Variants in SERINC2 observed in about 807,000 individuals in gnomAD.
SERINC2 encodes the protein serine incorporator 2, also known as tumor differentially expressed protein 2.
A neutral mutation model predicts 54.2 loss-of-function variants in SERINC2; 56 were observed. That is an observed-to-expected ratio of 1.03 (90% CI 0.83 to 1.29). The LOEUF (loss-of-function observed/expected upper bound fraction) is 1.29. SERINC2 is among the 50% of genes most tolerant of loss of function. SERINC2 has a pLI of 0.00. For missense variants in SERINC2, 614 were observed against 607.4 expected (o/e 1.01, Z -0.12); for synonymous variants, 272 against 253.1 (o/e 1.07, Z -0.71).
chr1:31,427,934 T>C (rs1641089522), intron 6 of SERINC2, among the ~76,000 whole-genome samples: 1 of 151,478 alleles, frequency 6.6e-6, no homozygotes, highest in East Asian at 1.9e-4. Flanking sequence ...GTTCAAGTGA[T>C]TCTTGTGCTT....
Position 31,429,671 on chromosome 1 carries a change from T to C in SERINC2, c.1013+133T>C, listed in dbSNP as rs782561562. The C allele has an allele frequency of 3.9e-6, 4 of 1,018,870 alleles. No homozygotes were observed. In the African/African-American group the frequency reaches 6.6e-5, roughly 17 times the overall value. 63.1% of individuals were successfully genotyped at this position (1,018,870 alleles called of 1,614,324 possible). ...TTCAATATATCCAGGTCTTGCATTG[T>C]GCGGGAGGGGAAACTGAGTCCCTCA... On this transcript the variant is annotated intron_variant, in intron 8 of 9. Coordinates refer to ENST00000373709, the MANE Select transcript of SERINC2 (RefSeq NM_178865.5).
rs1641388232 is a variant in SERINC2 at position 31,433,680 on chromosome 1, A to G, written c.1233-384A>G. ...TGAAGTGGCAAGGTCAAGGAGCTAAATGACAGTAATAAGGTCAGGGGCCAC... is the reference window on the plus strand; with the variant it reads ...TGAAGTGGCAAGGTCAAGGAGCTAAGTGACAGTAATAAGGTCAGGGGCCAC... On this transcript the variant is annotated intron_variant, in intron 9 of 9. Coordinates refer to ENST00000373709, the MANE Select transcript of SERINC2 (RefSeq NM_178865.5). 2.0e-5 allele frequency among the ~76,000 whole-genome samples: 3 copies of G among 152,184 alleles called. No homozygotes were observed. In the South Asian group the frequency reaches 6.2e-4, roughly 32 times the overall value.
At position 31,425,843 on chromosome 1, in the gene SERINC2, C is replaced by G; in HGVS notation, c.540C>G (p.Asp180Glu). 2.5e-6 allele frequency: 4 copies of G among 1,613,754 alleles called. No homozygotes were observed. The highest frequency in any genetic ancestry group is 2.5e-6 in the Non-Finnish European group (3 of 1,179,954). ...FILIQLVLLI[D>E]FAHSWNQRWL... ...TCATCCAGCTGGTGCTGCTCATCGA[C>G]TTTGCGCACTCCTGGAACCAGCGGT... The change falls in exon 5 of 10, where the codon GAC (aspartate) becomes GAG (glutamate). Residue 180 changes from aspartate to glutamate, a missense_variant. Asp to Glu is a conservative substitution (Grantham distance 45, BLOSUM62 2). Coordinates refer to ENST00000373709, the MANE Select transcript of SERINC2 (RefSeq NM_178865.5).
At chr1:31,413,169 C>CGGGGCCGGGGCCGGGGA (rs1279740161), upstream of SERINC2, 5 of 859,994 alleles carry the variant, frequency 5.8e-6, no homozygotes, top group Non-Finnish European at 6.8e-6. The surrounding 1 kb of genome is among the most constrained non-coding windows in gnomAD (Gnocchi z 5.0). Context: ...GGGGCCGGGG[C>CGGGGCCGGGGCCGGGGA]GGGGCCGGGG....
chr1:31,432,100 GAC>G (rs1557501251), intron 8 of SERINC2, among the ~76,000 whole-genome samples: 27 of 130,832 alleles, frequency 2.1e-4, no homozygotes, highest in Middle Eastern at 4.4e-3. Context: ...GGACAGGGTG[GAC>G]AGGGTGGATA....
chr1:31,429,229 A>G (rs1228612191), intron 7 of SERINC2, among the ~76,000 whole-genome samples, 161 bp downstream of exon 7: 2 of 152,012 alleles, frequency 1.3e-5, no homozygotes, highest in African/African-American at 4.8e-5. Context: ...TCTGTTCCTG[A>G]GTTGTCTCTC....
chr1:31,422,245 G>A (rs992426278), intron 1 of SERINC2, among the ~76,000 whole-genome samples: 15 of 150,754 alleles, frequency 9.9e-5, no homozygotes, highest in African/African-American at 3.2e-4. Flanking sequence ...GTTGTAGTGA[G>A]CTGAGATTGC....
intron 8 of SERINC2, among the ~76,000 whole-genome samples, chr1:31,432,236 C>A (rs1304073413): frequency 8.5e-6 from 1 of 118,020 alleles, no homozygotes; most frequent in Admixed American, 9.1e-5. Flanking sequence ...GATAGGGACC[C>A]ACTGACTCAC....
chr1:31,415,489 C>G (rs762386612), intron 1 of SERINC2, among the ~76,000 whole-genome samples: 17 of 152,370 alleles, frequency 1.1e-4, no homozygotes, highest in Non-Finnish European at 2.4e-4. Flanking sequence ...TCCCAACACT[C>G]GCAGCGTGGA....
intron 1 of SERINC2, among the ~76,000 whole-genome samples, chr1:31,421,616 G>T (rs1368789020): frequency 1.3e-5 from 2 of 152,208 alleles, no homozygotes; most frequent in African/African-American, 2.4e-5. Context: ...GGTGTGCTGT[G>T]TGCCTTGTGA....
chr1:31,426,857 C>T (rs10454446), intron 6 of SERINC2, 34 bp downstream of exon 6: 1,379,373 of 1,597,198 alleles, frequency 0.86, 604,928 homozygotes, highest in South Asian at 0.95. Flanking sequence ...GCCTGAAGCC[C>T]GGCCCCTTAG....
chr1:31,421,352 G>A (rs1412908784), intron 1 of SERINC2, among the ~76,000 whole-genome samples: 1 of 152,052 alleles, frequency 6.6e-6, no homozygotes, highest in South Asian at 2.1e-4. Context: ...CTGCTTTATG[G>A]CCTCTAAAAC....
At chr1:31,428,886 A>G (rs1570055746) in intron 6 of SERINC2, 92 bp from the exon 7 acceptor site, 1 of 806,696 alleles carries the variant, frequency 1.2e-6, no homozygotes, top group Non-Finnish European at 1.9e-6. Context: ...GGTGGGTGGG[A>G]GTTTCTGAGG....
intron 8 of SERINC2, among the ~76,000 whole-genome samples, chr1:31,432,586 C>A (rs782161101): frequency 6.6e-6 from 1 of 152,096 alleles, no homozygotes; most frequent in African/African-American, 2.4e-5. Flanking sequence ...ATTAGGTACT[C>A]GATACGTGTT....
intron 1 of SERINC2, among the ~76,000 whole-genome samples, chr1:31,422,899 A>G (rs1376475328): frequency 1.3e-5 from 2 of 152,156 alleles, no homozygotes; most frequent in African/African-American, 4.8e-5. Context: ...CTGGAGAGGG[A>G]AAGGGTTAGA....
At chr1:31,424,944 G>A in intron 3 of SERINC2, 71 bp downstream of exon 3, 1 of 1,319,908 alleles carries the variant, frequency 7.6e-7, no homozygotes, top group South Asian at 1.4e-5. Context: ...TGCCTGTCCA[G>A]GGATCTGCAG....
intron 6 of SERINC2, 67 bp downstream of exon 6, chr1:31,426,890 C>T: frequency 2.1e-6 from 3 of 1,439,622 alleles, no homozygotes; most frequent in South Asian, 1.2e-5. Flanking sequence ...CTTGTAGGAA[C>T]CTGGGTCCTG....
In SERINC2 at chr1:31,423,838, A is replaced by T; in HGVS notation, c.185A>T (p.Glu62Val). The change falls in exon 2 of 10, where the codon GAG becomes GTG. Residue 62 changes from glutamate (E) to valine (V), a missense_variant. Transcript: ENST00000373709. ...VSIIMLSPGV[E>V]SQLYKLPWVC... ...ATCATTATGCTGAGCCCGGGCGTGG[A>T]GAGTCAGCTCTACAAGGTGAGTGCC... 3.1e-6 allele frequency: 5 copies of T among 1,613,856 alleles called. No individual in the cohort carries two copies. The highest frequency in any genetic ancestry group is 4.2e-6 in the Non-Finnish European group (5 of 1,179,974).
chr1:31,414,669 C>T lies in SERINC2; in HGVS notation c.39+1365C>T, dbSNP rs191220753. On this transcript the variant is annotated intron_variant, in intron 1 of 9. Transcript: ENST00000373709. ...TCAAGCTGGTGCCTGAAATCCCTCC[C>T]AGCCCAAAGAATTCAAGGTTTGGGC... The T allele has an allele frequency of 1.9e-5, 19 of 985,432 alleles. No homozygotes were observed. The African/African-American group carries it at 2.8e-4, about 14-fold the overall frequency. The allele number at this position is 985,432 out of a possible 1,614,324, so 61.0% of individuals were successfully genotyped here. A position where few individuals can be genotyped will look rare whatever the true frequency, so the allele number is the denominator to read the frequency against.
Sources: gnomAD v4.1 joint callset for allele counts (sites outside exome capture counted in the v4.1 genomes callset) on GRCh38, gnomAD v4.1.1 for gene constraint, Gnocchi (gnomAD v3.1) non-coding constraint, MANE v1.5 for transcripts, NCBI Gene and HGNC (gene_info 2026-07-23, HGNC 2026-07-21) for gene names.